The following PAMR1 variants were observed in gnomAD, a reference collection of about 807,000 sequenced individuals.
PAMR1 encodes the protein peptidase domain containing associated with muscle regeneration 1, also known as inactive serine protease PAMR1.
In PAMR1, 88 loss-of-function variants were observed where a neutral mutation model predicts 81.8. That is an observed-to-expected ratio of 1.08 (90% CI 0.91 to 1.28). The LOEUF (loss-of-function observed/expected upper bound fraction) is 1.28. PAMR1 is among the 50% of genes most tolerant of loss of function. The probability of loss-of-function intolerance (pLI) is 0.00; values close to 1 mark genes in which losing one functional copy is unlikely to be tolerated. For missense variants in PAMR1, 935 were observed against 919.7 expected, an observed-to-expected ratio of 1.02 and a Z score of -0.21; for synonymous variants, 336 against 345.3, an observed-to-expected ratio of 0.97 and a Z score of 0.30.
At chr11:35,479,958 T>A (rs1015577089) in intron 3 of PAMR1, among the ~76,000 whole-genome samples, 1 of 152,198 alleles carries the variant, frequency 6.6e-6, no homozygotes, top group African/African-American at 2.4e-5. Context: ...TATCAGGGGC[T>A]CAGGTGTTCA....
upstream of PAMR1, among the ~76,000 whole-genome samples, chr11:35,528,049 A>G (rs1390041094): frequency 1.3e-5 from 2 of 151,844 alleles, no homozygotes; most frequent in African/African-American, 2.4e-5. Context: ...AATACCAAGC[A>G]GCCTCATCCC....
intron 1 of PAMR1, among the ~76,000 whole-genome samples, chr11:35,501,200 G>A (rs555226512): frequency 2.0e-5 from 3 of 146,954 alleles, no homozygotes; most frequent in Admixed American, 6.9e-5. Flanking sequence ...GCACAATCTC[G>A]GCTCAATGCA....
upstream of PAMR1, among the ~76,000 whole-genome samples, chr11:35,529,216 A>G (rs976620416): frequency 1.3e-5 from 2 of 152,246 alleles, no homozygotes; most frequent in Non-Finnish European, 2.9e-5. Context: ...ATCTTCCAAA[A>G]TCATATGCAA....
At position 35,462,181 on chromosome 11, in the gene PAMR1, C is replaced by T. The variant is rs547314243; in HGVS notation, c.820+5820G>A. 7.2e-5 allele frequency among the ~76,000 whole-genome samples: 11 copies of T among 152,308 alleles called. 1 individual carries two copies. The East Asian group carries it at 1.9e-3, about 27-fold the overall frequency. On this transcript the variant is annotated intron_variant, in intron 6 of 10. Coordinates refer to ENST00000619888, the MANE Select transcript of PAMR1 (RefSeq NM_001001991.3). The stretch of plus-strand genomic sequence containing the variant: ...TAAAACCCCATGAGAAAAAGGGAGG[C>T]TGGCCAGATAACATGATGCTTTGAG...
At chr11:35,520,800 G>T (rs1173555093) in intron 1 of PAMR1, among the ~76,000 whole-genome samples, 2 of 152,168 alleles carry the variant, frequency 1.3e-5, no homozygotes, top group Admixed American at 6.5e-5. Context: ...CTGGTCTCAG[G>T]GGAGGCAGGT....
At chr11:35,461,045 G>T (rs1315837296) in intron 6 of PAMR1, among the ~76,000 whole-genome samples, 3 of 152,120 alleles carry the variant, frequency 2.0e-5, no homozygotes, top group African/African-American at 7.2e-5. Flanking sequence ...GTTTTGATTT[G>T]CATTTCTCTG....
intron 6 of PAMR1, among the ~76,000 whole-genome samples, chr11:35,463,067 G>A (rs1230287980): frequency 6.6e-6 from 1 of 152,206 alleles, no homozygotes; most frequent in Non-Finnish European, 1.5e-5. Context: ...TGGGAGAGAT[G>A]TTAGTTTACC....
At position 35,441,700 on chromosome 11, in the gene PAMR1, G is replaced by A; in HGVS notation, c.821-7C>T. On this transcript the variant is annotated splice_region_variant and splice_polypyrimidine_tract_variant and intron_variant, in intron 6 of 10. Transcript: ENST00000619888. ...CAGTTTCTTTCTTCAAGGACTAAAA[G>A]AAAGTAAAAGAAAAGGAGAATTGTT... 1.3e-6 allele frequency: 2 copies of A among 1,566,646 alleles called. No homozygotes were observed. The highest frequency in any genetic ancestry group is 2.4e-5 in the South Asian group (2 of 85,004).
rs1856120670 is a variant in PAMR1, at chr11:35,439,596, T to C, written c.1100+31A>G. 9 of 1,567,342 alleles carry C rather than the reference T, an allele frequency of 5.7e-6. No homozygotes were observed. In the East Asian group the frequency reaches 2.0e-4, roughly 35 times the overall value. ...TGGAAGGGGAAATACTCATTAGCCT[T>C]CAGGGCAGAGTGCAGGTGTTTTGAC... is the stretch of plus-strand genomic sequence containing the variant. On this transcript the variant is annotated intron_variant, in intron 8 of 10. Transcript: ENST00000619888.
intron 1 of PAMR1, among the ~76,000 whole-genome samples, chr11:35,496,892 G>A (rs1032763746): frequency 2.0e-5 from 3 of 152,164 alleles, no homozygotes; most frequent in South Asian, 2.1e-4. Flanking sequence ...TGGGCTGAAC[G>A]CAGTGGCTCA....
intron 3 of PAMR1, among the ~76,000 whole-genome samples, chr11:35,491,607 T>C (rs1850627142): frequency 1.3e-5 from 2 of 152,338 alleles, no homozygotes; most frequent in East Asian, 1.9e-4. Context: ...AAAGAATCTC[T>C]TTCCTCGGAC....
intron 6 of PAMR1, among the ~76,000 whole-genome samples, chr11:35,464,549 A>G (rs748086300): frequency 6.6e-6 from 1 of 152,202 alleles, no homozygotes; most frequent in Non-Finnish European, 1.5e-5. Context: ...TCCTACAATT[A>G]TCACAGCCAA....
intron 3 of PAMR1, among the ~76,000 whole-genome samples, chr11:35,487,751 CTG>C (rs979130469): frequency 2.0e-5 from 3 of 152,222 alleles, no homozygotes; most frequent in African/African-American, 7.2e-5. Context: ...CAGACTAGGA[CTG>C]TGGTTAAGAA....
At chr11:35,521,496 C>G (rs1010576681) in intron 1 of PAMR1, among the ~76,000 whole-genome samples, 1 of 152,176 alleles carries the variant, frequency 6.6e-6, no homozygotes, top group Non-Finnish European at 1.5e-5. Flanking sequence ...ATCCAGCCTA[C>G]CTCAAGACAT....
rs116189476 is a variant in PAMR1 at position 35,443,646 on chromosome 11, T to C, written c.821-1953A>G. On this transcript the variant is annotated intron_variant, in intron 6 of 10. Coordinates refer to ENST00000619888, the MANE Select transcript of PAMR1 (RefSeq NM_001001991.3). ...TTGGGTTAATTCCATGTCTTTGCTA[T>C]TGTGACCAGTGATGCAATGAACATA... Among the ~76,000 whole-genome samples the C allele has an allele frequency of 6.2e-3, 950 of 152,366 alleles. 5 individuals carry two copies. Among genetic ancestry groups the C allele is most frequent in the African/African-American group, 0.02 (835 of 41,584 alleles).
intron 1 of PAMR1, among the ~76,000 whole-genome samples, chr11:35,498,601 G>T (rs567121514): frequency 1.8e-4 from 27 of 152,248 alleles, no homozygotes; most frequent in African/African-American, 6.5e-4. Flanking sequence ...GCTTAAAATG[G>T]TCACCTTGCT....
chr11:35,451,954 G>A, intron 6 of PAMR1: 2 of 683,880 alleles, frequency 2.9e-6, no homozygotes, highest in Non-Finnish European at 5.3e-6. Flanking sequence ...AGAAATAAAT[G>A]TTTGTTGTTT....
intron 10 of PAMR1, among the ~76,000 whole-genome samples, chr11:35,434,244 T>C (rs185752023): frequency 6.6e-5 from 10 of 152,222 alleles, no homozygotes; most frequent in Middle Eastern, 3.4e-3. Context: ...ATTTTACTCT[T>C]AGGTGATTAA....
intron 6 of PAMR1, among the ~76,000 whole-genome samples, chr11:35,461,973 A>C (rs7129975): frequency 0.7 from 105,738 of 151,714 alleles, 36,981 homozygotes; most frequent in African/African-American, 0.75. Flanking sequence ...AGACAGATTG[A>C]GCCTTTGTTT....
Sources: allele counts gnomAD v4.1 joint callset (sites outside exome capture counted in the v4.1 genomes callset), GRCh38; gene constraint gnomAD v4.1.1; transcripts MANE v1.5; gene names NCBI Gene and HGNC (gene_info 2026-07-23, HGNC 2026-07-21).